FGF14: variants seen among roughly 807,000 people sequenced by gnomAD.
FGF14 encodes the protein fibroblast growth factor 14.
FGF14 carries 5 observed loss-of-function variants against 25.5 expected under a neutral mutation model. The observed-to-expected ratio is 0.20, with a 90% confidence interval of 0.10 to 0.41. FGF14 has a LOEUF of 0.41. Among genes scored for constraint, FGF14 ranks in the 10% least tolerant of loss-of-function variants. FGF14 has a pLI of 1.00. For synonymous variants in FGF14, 138 were observed against 118.3 expected (o/e 1.17, Z -1.08); for missense variants, 222 against 320.1 (o/e 0.69, Z 2.34).
At chr13:101,940,146 T>A (rs2035352022) in intron 1 of FGF14, among the ~76,000 whole-genome samples, 1 of 152,218 alleles carries the variant, frequency 6.6e-6, no homozygotes, top group Non-Finnish European at 1.5e-5. Context: ...AATCCCTAGT[T>A]GTATCCATGC....
chr13:101,958,185 A>G (rs1023122455), intron 1 of FGF14, among the ~76,000 whole-genome samples: 1 of 152,188 alleles, frequency 6.6e-6, no homozygotes, highest in African/African-American at 2.4e-5. Flanking sequence ...TCTCTAAAGC[A>G]TGTTCTGTGT....
intron 1 of FGF14, among the ~76,000 whole-genome samples, chr13:102,347,301 T>A (rs1340344319): frequency 6.6e-6 from 1 of 152,054 alleles, no homozygotes; most frequent in East Asian, 1.9e-4. Flanking sequence ...CATGGGTGAG[T>A]AACTCATCAC....
chr13:102,383,121 A>G (rs2139185435), intron 1 of FGF14, among the ~76,000 whole-genome samples: 1 of 152,300 alleles, frequency 6.6e-6, no homozygotes, highest in East Asian at 1.9e-4. Flanking sequence ...ATTTCAATAA[A>G]GCTGTTACAA....
At chr13:102,023,710 C>T (rs2040787950) in intron 1 of FGF14, among the ~76,000 whole-genome samples, 1 of 152,000 alleles carries the variant, frequency 6.6e-6, no homozygotes, top group South Asian at 2.1e-4. Flanking sequence ...AGCCTTTTGT[C>T]TGTCTTCTTT....
intron 1 of FGF14, among the ~76,000 whole-genome samples, chr13:102,167,766 T>A (rs190228470): frequency 6.6e-6 from 1 of 150,904 alleles, no homozygotes; most frequent in African/African-American, 2.4e-5. Context: ...GAATCCTCAT[T>A]AAGATATTAG....
At chr13:101,955,051 T>C (rs903667167) in intron 1 of FGF14, among the ~76,000 whole-genome samples, 1 of 152,210 alleles carries the variant, frequency 6.6e-6, no homozygotes, top group African/African-American at 2.4e-5. Flanking sequence ...TTGGTTCTTT[T>C]ATTTGAACAA....
chr13:102,336,725 G>A (rs754116988), intron 1 of FGF14, among the ~76,000 whole-genome samples: 9 of 152,322 alleles, frequency 5.9e-5, no homozygotes, highest in Non-Finnish European at 8.8e-5. Context: ...AAGAGGGGCT[G>A]ACTCTGTTGT....
upstream of FGF14, among the ~76,000 whole-genome samples, chr13:101,920,084 CGGATGGAG>C (rs1486741080): frequency 5.3e-5 from 8 of 152,036 alleles, no homozygotes; most frequent in African/African-American, 1.9e-4. Context: ...TAGTTGTTTA[CGGATGGAG>C]GTAAGTGAAA....
chr13:101,803,855 C>T (rs181561216), intron 3 of FGF14, among the ~76,000 whole-genome samples: 13 of 152,176 alleles, frequency 8.5e-5, no homozygotes, highest in African/African-American at 3.1e-4. Context: ...GCATGTGAGA[C>T]ATGGTTATGG....
intron 3 of FGF14, among the ~76,000 whole-genome samples, chr13:101,741,450 A>T (rs1279818986): frequency 6.6e-6 from 1 of 152,162 alleles, no homozygotes; most frequent in Non-Finnish European, 1.5e-5. Flanking sequence ...AAACCATTAT[A>T]TTCCCAGTCA....
chr13:101,981,647 AAAC>A (rs952648702), intron 1 of FGF14, among the ~76,000 whole-genome samples: 21 of 91,824 alleles, frequency 2.3e-4, no homozygotes, highest in Admixed American at 1.7e-3. Context: ...CATAATTAAA[AAAC>A]AACAACAACA....
chr13:102,339,912 A>G (rs1473664079), intron 1 of FGF14, among the ~76,000 whole-genome samples: 3 of 152,328 alleles, frequency 2.0e-5, no homozygotes, highest in Admixed American at 2.0e-4. Flanking sequence ...TTAAGCACTC[A>G]CCACAATTCA....
At chr13:102,243,459 G>A (rs1009549085) in intron 1 of FGF14, among the ~76,000 whole-genome samples, 4 of 151,786 alleles carry the variant, frequency 2.6e-5, no homozygotes, top group Non-Finnish European at 4.4e-5. Flanking sequence ...ATCTAAGCCC[G>A]ACATTTATTT....
intron 1 of FGF14, among the ~76,000 whole-genome samples, chr13:101,932,251 C>T (rs1021289851): frequency 2.6e-5 from 4 of 152,078 alleles, no homozygotes; most frequent in Non-Finnish European, 5.9e-5. Context: ...AATTCCAGGC[C>T]GGGTGCAGTG....
At chr13:101,908,429 T>C (rs2032514840) in intron 1 of FGF14, among the ~76,000 whole-genome samples, 1 of 152,214 alleles carries the variant, frequency 6.6e-6, no homozygotes, top group South Asian at 2.1e-4. Flanking sequence ...TATTAATGAA[T>C]GGATAATGTA....
At chr13:102,399,315 C>A (rs1278056487) in intron 1 of FGF14, among the ~76,000 whole-genome samples, 1 of 152,202 alleles carries the variant, frequency 6.6e-6, no homozygotes, top group African/African-American at 2.4e-5. Context: ...GGACTGACTT[C>A]AAGGTCCCTA....
intron 1 of FGF14, among the ~76,000 whole-genome samples, chr13:102,264,539 C>T (rs1341131341): frequency 2.3e-5 from 2 of 87,976 alleles, no homozygotes; most frequent in African/African-American, 6.1e-5. Flanking sequence ...TGGTCCTATA[C>T]GATTTGGGGT....
At chr13:101,987,887 C>T (rs920696106) in intron 1 of FGF14, among the ~76,000 whole-genome samples, 2 of 152,062 alleles carry the variant, frequency 1.3e-5, no homozygotes, top group Admixed American at 1.3e-4. Context: ...GAGGTGTATA[C>T]TATGTTTATG....
chr13:102,195,042 G>T (rs606663), intron 1 of FGF14, among the ~76,000 whole-genome samples: 104,304 of 151,972 alleles, frequency 0.69, 36,870 homozygotes, highest in African/African-American at 0.85. Flanking sequence ...AAAAAAAAGT[G>T]AAGACATTGC....
Sources: gnomAD v4.1 joint callset for allele counts (sites outside exome capture counted in the v4.1 genomes callset) on GRCh38, gnomAD v4.1.1 for gene constraint, MANE v1.5 for transcripts, NCBI Gene and HGNC (gene_info 2026-07-23, HGNC 2026-07-21) for gene names.